VAC14: variants seen among roughly 807,000 people sequenced by gnomAD.
VAC14 encodes VAC14 component of PIKFYVE complex, also known as protein VAC14 homolog.
In VAC14, 47 loss-of-function variants were observed where a neutral mutation model predicts 85.3. The ratio of observed to expected loss-of-function variants is 0.55; its 90% CI spans 0.44 to 0.70. VAC14 has a LOEUF of 0.70. VAC14 is among the 30% of genes least tolerant of loss of function. The pLI is 0.00. For missense variants in VAC14, 861 were observed against 1,004.3 expected (o/e 0.86, Z 1.93); for synonymous variants, 447 against 430.5 (o/e 1.04, Z -0.47).
intron 12 of VAC14, chr16:70,755,981 T>C (rs2031814699): frequency 4.4e-6 from 2 of 456,390 alleles, no homozygotes; most frequent in Non-Finnish European, 4.4e-6. Flanking sequence ...CAGGCCAAAG[T>C]CCGTGTCATC....
intron 1 of VAC14, among the ~76,000 whole-genome samples, chr16:70,788,564 A>G (rs1232252156): frequency 3.3e-5 from 5 of 152,204 alleles, no homozygotes; most frequent in African/African-American, 1.2e-4. Flanking sequence ...ATGGTTCTAC[A>G]TCAACTTGTT....
chr16:70,717,754 C>T (rs2054197919), intron 14 of VAC14, among the ~76,000 whole-genome samples: 1 of 152,176 alleles, frequency 6.6e-6, no homozygotes. Context: ...TTAAGCCTCC[C>T]TCTCGCCTCA....
At chr16:70,711,375 G>T (rs925059540) in intron 14 of VAC14, among the ~76,000 whole-genome samples, 1 of 152,184 alleles carries the variant, frequency 6.6e-6, no homozygotes, top group Non-Finnish European at 1.5e-5. Context: ...CGGCCTTGGA[G>T]CTCTAGGCGG....
In VAC14 at chr16:70,695,631, T is replaced by G. The variant is rs1490001436; in HGVS notation, c.1956-8A>C. 9 of 1,613,036 alleles carry G rather than the reference T, an allele frequency of 5.6e-6. No individual in the cohort carries two copies. The highest frequency in any genetic ancestry group is 6.8e-6 in the Non-Finnish European group (8 of 1,179,412). On this transcript the variant is annotated splice_region_variant and splice_polypyrimidine_tract_variant and intron_variant, in intron 16 of 18. Transcript: ENST00000261776. ...GTGACCTCCAGGTCCCCACTGGGTGTGCAGTCAAGGAAAGTCTGTCTGCTG... is the reference window on the plus strand; with the variant it reads ...GTGACCTCCAGGTCCCCACTGGGTGGGCAGTCAAGGAAAGTCTGTCTGCTG...
intron 10 of VAC14, among the ~76,000 whole-genome samples, chr16:70,767,194 A>G (rs900464778): frequency 3.9e-5 from 6 of 152,222 alleles, no homozygotes; most frequent in Non-Finnish European, 7.3e-5. Context: ...TGCTGTGACT[A>G]TTAAAATATA....
At chr16:70,732,817 A>AC (rs2054631620) in intron 13 of VAC14, among the ~76,000 whole-genome samples, 1 of 146,256 alleles carries the variant, frequency 6.8e-6, no homozygotes, top group African/African-American at 2.5e-5. Context: ...AATTTTTGTA[A>AC]TTTTTTTTTT....
chr16:70,741,254 C>G (rs1178261472), intron 13 of VAC14, among the ~76,000 whole-genome samples: 1 of 152,264 alleles, frequency 6.6e-6, no homozygotes, highest in Non-Finnish European at 1.5e-5. Flanking sequence ...GAAAGAGCCC[C>G]TTGCATGCCT....
intron 18 of VAC14, chr16:70,691,922 C>A (rs2053604124): frequency 1.0e-6 from 1 of 985,162 alleles, no homozygotes; most frequent in Admixed American, 6.2e-5. Flanking sequence ...TGGAGCAAGG[C>A]GCCAGGCCTG....
chr16:70,709,386 C>G (rs1408663092), intron 14 of VAC14, among the ~76,000 whole-genome samples: 5 of 152,122 alleles, frequency 3.3e-5, no homozygotes, highest in South Asian at 2.1e-4. Flanking sequence ...CTGGGGCCTT[C>G]TGGTGTGGAC....
chr16:70,762,729 C>G lies in VAC14; in HGVS notation c.1306-124G>C. The G allele has an allele frequency of 6.7e-7, 1 of 1,492,078 alleles. No individual in the cohort carries two copies. Among genetic ancestry groups the G allele is most frequent in the East Asian group, 2.4e-5 (1 of 41,940 alleles). 92.4% of individuals were successfully genotyped at this position (1,492,078 alleles called of 1,614,324 possible). A position where few individuals can be genotyped will look rare whatever the true frequency, so the allele number is the denominator to read the frequency against. ...GCACGGACCACTTCCCTCCCCGACACAATGAGGGCTCCTCGCAGCACCTGT... is the reference window on the plus strand; with the variant it reads ...GCACGGACCACTTCCCTCCCCGACAGAATGAGGGCTCCTCGCAGCACCTGT... On this transcript the variant is annotated intron_variant, in intron 11 of 18. Coordinates refer to ENST00000261776, the MANE Select transcript of VAC14 (RefSeq NM_018052.5). This position sits in a 1 kb window ranked among gnomAD's most constrained non-coding sequence, Gnocchi z 4.1.
At chr16:70,765,165 AG>A (rs1281009237) in intron 10 of VAC14, among the ~76,000 whole-genome samples, 1 of 152,136 alleles carries the variant, frequency 6.6e-6, no homozygotes, top group African/African-American at 2.4e-5. Flanking sequence ...CAGAAGCCAC[AG>A]GGACATGTAG....
intron 13 of VAC14, among the ~76,000 whole-genome samples, chr16:70,742,367 T>A (rs1376168436): frequency 6.6e-6 from 1 of 152,140 alleles, no homozygotes; most frequent in Non-Finnish European, 1.5e-5. Context: ...AGATATCCTT[T>A]TCTCTCTTCC....
chr16:70,789,510 T>C (rs1195190661), intron 1 of VAC14, among the ~76,000 whole-genome samples: 3 of 152,166 alleles, frequency 2.0e-5, no homozygotes, highest in Admixed American at 1.3e-4. Context: ...ATCTGGGGCA[T>C]TGGTGGTTCA....
chr16:70,734,594 CTATTT>C (rs967649417), intron 13 of VAC14, among the ~76,000 whole-genome samples: 1 of 152,122 alleles, frequency 6.6e-6, no homozygotes, highest in African/African-American at 2.4e-5. Context: ...GGTCTCTGGT[CTATTT>C]TGAGTTACTT....
At chr16:70,756,181 A>T (rs1347230254) in intron 12 of VAC14, 1 of 438,228 alleles carries the variant, frequency 2.3e-6, no homozygotes, top group Non-Finnish European at 4.6e-6. Flanking sequence ...GCCCTGAGGC[A>T]GGAAGCCAGG....
At chr16:70,696,094 C>T (rs1418172857) in intron 16 of VAC14, among the ~76,000 whole-genome samples, 1 of 152,196 alleles carries the variant, frequency 6.6e-6, no homozygotes, top group Non-Finnish European at 1.5e-5. Context: ...TCCACTGAGG[C>T]ACCTCCTGGT....
chr16:70,728,588 C>G (rs999515205), intron 14 of VAC14, among the ~76,000 whole-genome samples: 1 of 152,238 alleles, frequency 6.6e-6, no homozygotes, highest in African/African-American at 2.4e-5. Context: ...GCCTCAGGCC[C>G]TGAGCGGGTG....
chr16:70,695,656 G>C (rs753711615), intron 16 of VAC14, 33 bp from the exon 17 acceptor site: 2 of 1,603,364 alleles, frequency 1.2e-6, no homozygotes, highest in Non-Finnish European at 1.7e-6. Context: ...TCTGTCTGCT[G>C]GGCCAGCACA....
At chr16:70,779,284 C>CA (rs1189567716) in intron 9 of VAC14, 1 of 152,244 alleles carries the variant, frequency 6.6e-6, no homozygotes, top group East Asian at 1.9e-4. Context: ...CTCAGCTGTT[C>CA]AAAAGAAAAG....
Sources: allele counts gnomAD v4.1 joint callset (sites outside exome capture counted in the v4.1 genomes callset), GRCh38; gene constraint gnomAD v4.1.1; non-coding constraint Gnocchi (gnomAD v3.1); transcripts MANE v1.5; gene names NCBI Gene and HGNC (gene_info 2026-07-23, HGNC 2026-07-21).